PAPSS2: variants seen among roughly 807,000 people sequenced by gnomAD.
PAPSS2 encodes 3'-phosphoadenosine 5'-phosphosulfate synthase 2, also known as bifunctional 3'-phosphoadenosine 5'-phosphosulfate synthase 2.
A neutral mutation model predicts 66.5 loss-of-function variants in PAPSS2; 61 were observed. The observed-to-expected ratio is 0.92, with a 90% CI of 0.75 to 1.14. The LOEUF (loss-of-function observed/expected upper bound fraction) is 1.14, where lower values mean the gene tolerates loss of function less well. Among genes scored for constraint, PAPSS2 ranks in the 50% most tolerant of loss-of-function variants. The pLI is 0.00. For synonymous variants in PAPSS2, 289 were observed against 287.5 expected, an observed-to-expected ratio of 1.01 and a Z score of -0.05; for missense variants, 708 against 789.6, an observed-to-expected ratio of 0.90 and a Z score of 1.24.
At chr10:87,735,177 T>C (rs1311873223) in intron 9 of PAPSS2, among the ~76,000 whole-genome samples, 1 of 152,120 alleles carries the variant, frequency 6.6e-6, no homozygotes, top group Non-Finnish European at 1.5e-5. Flanking sequence ...GGTGGGGACT[T>C]CTAGGCCACA....
intron 1 of PAPSS2, among the ~76,000 whole-genome samples, chr10:87,675,103 CTTTAT>C (rs1852928940): frequency 6.6e-6 from 1 of 152,194 alleles, no homozygotes; most frequent in Non-Finnish European, 1.5e-5. Flanking sequence ...GAGGGACGGC[CTTTAT>C]TTTGTCTTTT....
intron 1 of PAPSS2, among the ~76,000 whole-genome samples, chr10:87,661,220 A>G (rs140174033): frequency 1.3e-3 from 197 of 151,746 alleles, no homozygotes; most frequent in African/African-American, 4.5e-3. Flanking sequence ...GGGTCATTTG[A>G]GCAGCAAGAG....
intron 1 of PAPSS2, among the ~76,000 whole-genome samples, chr10:87,700,411 C>A (rs1246628713): frequency 6.6e-6 from 1 of 152,130 alleles, no homozygotes; most frequent in African/African-American, 2.4e-5. Context: ...AATCCCAGCA[C>A]TTTGGGATGT....
At chr10:87,694,020 G>A (rs182644501) in intron 1 of PAPSS2, among the ~76,000 whole-genome samples, 6 of 152,328 alleles carry the variant, frequency 3.9e-5, no homozygotes, top group South Asian at 2.1e-4. Flanking sequence ...ACAAATCAAC[G>A]AAACGTTTAT....
chr10:87,660,823 A>C (rs765443335), intron 1 of PAPSS2, among the ~76,000 whole-genome samples: 21,938 of 120,160 alleles, frequency 0.18, 1,984 homozygotes, highest in South Asian at 0.28. Flanking sequence ...AAAAAAAAAA[A>C]AAAAAAAAAA....
chr10:87,691,386 A>C (rs1032891188), intron 1 of PAPSS2, among the ~76,000 whole-genome samples: 1 of 152,170 alleles, frequency 6.6e-6, no homozygotes, highest in African/African-American at 2.4e-5. Context: ...CATCTGGTGA[A>C]GAAGGCCGAC....
intron 2 of PAPSS2, 24 bp from the exon 3 acceptor site, chr10:87,713,051 G>T (rs1223903991): frequency 7.5e-7 from 1 of 1,328,388 alleles, no homozygotes; most frequent in Admixed American, 1.7e-5. Context: ...GCCGATGTCA[G>T]TCTGTTTTAT....
At position 87,713,173 on chromosome 10, in the gene PAPSS2, C is replaced by T. The variant is rs780233021; in HGVS notation, c.244C>T (p.Arg82Cys). 5 of 1,612,712 alleles carry T rather than the reference C, an allele frequency of 3.1e-6. No individual in the cohort carries two copies. The highest frequency in any genetic ancestry group is 3.4e-6 in the Non-Finnish European group (4 of 1,179,086). The change falls in exon 3 of 13, where the codon CGT (arginine) becomes TGT (cysteine). Residue 82 changes from arginine to cysteine, a missense_variant. Arg to Cys is a radical substitution (Grantham distance 180). Transcript: ENST00000456849. ...TTACTCCCTGGATGGGGACAATGTCCGTCATGGCCTTAACAGAAATCTCGG... is the reference window on the plus strand; with the variant it reads ...TTACTCCCTGGATGGGGACAATGTCTGTCATGGCCTTAACAGAAATCTCGG... ...PCYSLDGDNV[R>C]HGLNRNLGFS... is the part of the protein sequence containing the mutation.
intron 1 of PAPSS2, among the ~76,000 whole-genome samples, chr10:87,669,203 G>A (rs1048714689): frequency 5.9e-5 from 9 of 152,166 alleles, no homozygotes; most frequent in Non-Finnish European, 1.2e-4. Context: ...ATTAAAAAAA[G>A]GGATGCCATT....
chr10:87,676,872 C>CAAAAAAAAAAA lies in PAPSS2; in HGVS notation c.27+16893_27+16903dup, dbSNP rs71019493. Among the ~76,000 whole-genome samples, 10 of 31,368 alleles carry CAAAAAAAAAAA rather than the reference C, an allele frequency of 3.2e-4. 1 individual carries two copies. The highest frequency in any genetic ancestry group is 5.7e-4 in the Admixed American group (1 of 1,746). The allele number at this position is 31,368 out of a possible 152,430, so 20.6% of individuals were successfully genotyped here. ...TGGATGACAGAATGAGACCCTGTCTCAAAAAAAAAAAAAAAAAAAAAAAAA... is the reference window on the plus strand; with the variant it reads ...TGGATGACAGAATGAGACCCTGTCTCAAAAAAAAAAAAAAAAAAAAAAAAAAAAAAAAAAAA... On this transcript the variant is annotated intron_variant, in intron 1 of 12. Transcript: ENST00000456849.
chr10:87,673,848 T>C (rs1852911710), intron 1 of PAPSS2, among the ~76,000 whole-genome samples: 1 of 152,084 alleles, frequency 6.6e-6, no homozygotes. Flanking sequence ...TTTTAGGAAC[T>C]CTACAGAACA....
intron 2 of PAPSS2, among the ~76,000 whole-genome samples, chr10:87,711,846 T>G (rs1282498924): frequency 6.6e-6 from 1 of 150,794 alleles, no homozygotes; most frequent in East Asian, 1.9e-4. Flanking sequence ...ACCTCTTGGC[T>G]TTTTTCCTCT....
chr10:87,660,804 GAAAA>G lies in PAPSS2; in HGVS notation c.27+823_27+826del, dbSNP rs61018901. Among the ~76,000 whole-genome samples the G allele has an allele frequency of 1.3e-3, 145 of 114,072 alleles. 3 individuals carry two copies. Among genetic ancestry groups the G allele is most frequent in the African/African-American group, 4.3e-3 (140 of 32,450 alleles). 74.8% of individuals were successfully genotyped at this position (114,072 alleles called of 152,430 possible). ...TTTGTCAATTATACCCCAATAAACT[GAAAA>G]AAAAAAAAAAAAAAAAAAAAAAAAA... is the stretch of plus-strand genomic sequence containing the variant. On this transcript the variant is annotated intron_variant, in intron 1 of 12. Coordinates refer to ENST00000456849, the MANE Select transcript of PAPSS2 (RefSeq NM_001015880.2).
At position 87,671,176 on chromosome 10, in the gene PAPSS2, C is replaced by CT. The variant is rs928556143; in HGVS notation, c.27+11178dup. On this transcript the variant is annotated intron_variant, in intron 1 of 12. Transcript: ENST00000456849. ...CACAAGTGCCATGTTTTCAATCATT[C>CT]TTTTTTTTTTCTTCAGTTAAAATAA... Among the ~76,000 whole-genome samples the CT allele has an allele frequency of 2.4e-3, 364 of 150,112 alleles. 3 individuals are homozygous for CT. Among genetic ancestry groups the CT allele is most frequent in the Middle Eastern group, 0.014 (4 of 290 alleles).
At chr10:87,701,142 T>C (rs899585968) in intron 1 of PAPSS2, among the ~76,000 whole-genome samples, 1 of 151,438 alleles carries the variant, frequency 6.6e-6, no homozygotes, top group Non-Finnish European at 1.5e-5. Flanking sequence ...GAACAAAAAG[T>C]ATATATTATT....
At chr10:87,727,204 C>A in intron 8 of PAPSS2, 80 bp from the exon 9 acceptor site, 1 of 1,166,392 alleles carries the variant, frequency 8.6e-7, no homozygotes, top group Non-Finnish European at 1.3e-6. Context: ...TTGGAAGGGG[C>A]ATTGTGCACA....
chr10:87,683,365 C>T (rs1194960425), intron 1 of PAPSS2, among the ~76,000 whole-genome samples: 1 of 152,188 alleles, frequency 6.6e-6, no homozygotes, highest in Admixed American at 6.5e-5. Context: ...CCCACCTCAG[C>T]CTCCCAAAGT....
chr10:87,686,219 A>G (rs1052053184), intron 1 of PAPSS2, among the ~76,000 whole-genome samples: 3 of 151,344 alleles, frequency 2.0e-5, no homozygotes, highest in Non-Finnish European at 4.4e-5. Flanking sequence ...TTTTCCTAGA[A>G]GCATTTTACA....
At chr10:87,702,901 C>G (rs916392169) in intron 1 of PAPSS2, among the ~76,000 whole-genome samples, 8 of 152,260 alleles carry the variant, frequency 5.3e-5, no homozygotes, top group Middle Eastern at 3.4e-3. Context: ...ACCATCTAGT[C>G]TTTTCCCCAG....
Sources: gnomAD v4.1 joint callset for allele counts (sites outside exome capture counted in the v4.1 genomes callset) on GRCh38, gnomAD v4.1.1 for gene constraint, MANE v1.5 for transcripts, NCBI Gene and HGNC (gene_info 2026-07-23, HGNC 2026-07-21) for gene names.